The following STX18 variants were observed in gnomAD, a reference collection of about 807,000 sequenced individuals.
The protein encoded by STX18 is syntaxin 18.
STX18 carries 40 observed loss-of-function variants against 50.1 expected under a neutral mutation model. That is an observed-to-expected ratio of 0.80 (90% CI 0.62 to 1.04). The LOEUF (loss-of-function observed/expected upper bound fraction) is 1.04. Among genes scored for constraint, STX18 ranks in the 50% least tolerant of loss-of-function variants. The pLI is 0.00. For synonymous variants in STX18, 158 were observed against 151.8 expected, an observed-to-expected ratio of 1.04 and a Z score of -0.30; for missense variants, 410 against 415.8, an observed-to-expected ratio of 0.99 and a Z score of 0.12.
At chr4:4,540,840 T>C (rs1190565018) in intron 1 of STX18, among the ~76,000 whole-genome samples, 2 of 152,226 alleles carry the variant, frequency 1.3e-5, no homozygotes. Flanking sequence ...GTCTATACAG[T>C]GCCAAGTGTA....
intron 7 of STX18, among the ~76,000 whole-genome samples, chr4:4,427,152 T>C (rs1400017316): frequency 1.3e-5 from 2 of 152,126 alleles, no homozygotes; most frequent in Non-Finnish European, 2.9e-5. Context: ...GCCTCACACA[T>C]GACAGAACAC....
intron 2 of STX18, among the ~76,000 whole-genome samples, chr4:4,465,752 G>A (rs1422996094): frequency 4.6e-5 from 7 of 152,164 alleles, no homozygotes; most frequent in African/African-American, 1.2e-4. Context: ...TCCTACACAT[G>A]TACCCAGGAA....
chr4:4,479,486 G>C (rs1471169530), intron 1 of STX18, among the ~76,000 whole-genome samples: 1 of 152,116 alleles, frequency 6.6e-6, no homozygotes, highest in East Asian at 1.9e-4. Context: ...ACTGTCTATA[G>C]CTATGGGCCA....
At chr4:4,483,773 C>T (rs1728567390) in intron 1 of STX18, among the ~76,000 whole-genome samples, 1 of 152,242 alleles carries the variant, frequency 6.6e-6, no homozygotes, top group Non-Finnish European at 1.5e-5. Context: ...AAAGTTCTTT[C>T]TTACTCTGAA....
intron 1 of STX18, among the ~76,000 whole-genome samples, chr4:4,538,465 C>T (rs141893508): frequency 3.9e-5 from 6 of 151,912 alleles, no homozygotes; most frequent in Non-Finnish European, 7.4e-5. Flanking sequence ...TCCTCACGCA[C>T]TTAACTAAAT....
chr4:4,435,066 CAT>C (rs1226119980), intron 6 of STX18, among the ~76,000 whole-genome samples: 1 of 152,106 alleles, frequency 6.6e-6, no homozygotes, highest in Non-Finnish European at 1.5e-5. Flanking sequence ...CAGGCACGTG[CAT>C]GTGTGTGTGT....
intron 1 of STX18, among the ~76,000 whole-genome samples, chr4:4,508,278 C>A (rs1258832550): frequency 6.6e-6 from 1 of 152,070 alleles, no homozygotes; most frequent in East Asian, 1.9e-4. Flanking sequence ...ACCACATATC[C>A]CCCGTTTTTG....
At chr4:4,450,610 T>A (rs1304994808) in intron 5 of STX18, among the ~76,000 whole-genome samples, 1 of 152,206 alleles carries the variant, frequency 6.6e-6, no homozygotes, top group African/African-American at 2.4e-5. Context: ...AGCCTCCTTC[T>A]GTATTTATTA....
intron 1 of STX18, among the ~76,000 whole-genome samples, chr4:4,528,344 G>A (rs560051086): frequency 2.4e-4 from 36 of 152,250 alleles, no homozygotes; most frequent in African/African-American, 7.9e-4. Context: ...GAATGGCTTA[G>A]CGCTGTCCCC....
At chr4:4,450,296 T>C (rs1726678149) in intron 5 of STX18, among the ~76,000 whole-genome samples, 1 of 152,174 alleles carries the variant, frequency 6.6e-6, no homozygotes, top group South Asian at 2.1e-4. Context: ...TCACTTCTCC[T>C]ATAGTGAGAA....
At chr4:4,507,267 C>T in intron 1 of STX18, 1 of 700,980 alleles carries the variant, frequency 1.4e-6, no homozygotes, top group Non-Finnish European at 2.7e-6. Flanking sequence ...AAGAGTCCGG[C>T]ATCTCCCAGG....
At chr4:4,447,777 T>C (rs1038599528) in intron 5 of STX18, among the ~76,000 whole-genome samples, 1 of 152,182 alleles carries the variant, frequency 6.6e-6, no homozygotes, top group Non-Finnish European at 1.5e-5. Flanking sequence ...CTATTATTAC[T>C]GTGAAATAAC....
At chr4:4,485,811 C>T (rs757151406) in intron 1 of STX18, among the ~76,000 whole-genome samples, 15 of 152,180 alleles carry the variant, frequency 9.9e-5, no homozygotes, top group Non-Finnish European at 1.8e-4. Flanking sequence ...GTCCCCTATG[C>T]GCTCTCCTCC....
At chr4:4,499,617 T>A (rs956478929) in intron 1 of STX18, 1 of 774,332 alleles carries the variant, frequency 1.3e-6, no homozygotes, top group African/African-American at 1.9e-5. Flanking sequence ...CATTATTCAA[T>A]AGCTAATCCA....
At chr4:4,467,384 G>A (rs534224392) in intron 2 of STX18, among the ~76,000 whole-genome samples, 97 of 152,320 alleles carry the variant, frequency 6.4e-4, no homozygotes, top group Non-Finnish European at 1.0e-3. Context: ...TTAAAGGCAA[G>A]ATGGAGTTGA....
chr4:4,501,558 G>A (rs745640744), intron 1 of STX18, among the ~76,000 whole-genome samples: 7 of 152,170 alleles, frequency 4.6e-5, no homozygotes, highest in African/African-American at 9.7e-5. Context: ...CACACTACAT[G>A]ACCTCTCAGA....
At chr4:4,429,309 A>C (rs538357769) in intron 7 of STX18, among the ~76,000 whole-genome samples, 2 of 152,336 alleles carry the variant, frequency 1.3e-5, no homozygotes, top group South Asian at 2.1e-4. Flanking sequence ...TTTCCAATCA[A>C]GCCCTGCTAA....
chr4:4,420,980 T>A lies in STX18; in HGVS notation c.832-36A>T. Reference sequence around the variant, plus strand: ...AAAGATAAATACAAGTTGAGTATCCTTTATCCAAAAACCTGAAACCCAAAA... The same window carrying A: ...AAAGATAAATACAAGTTGAGTATCCATTATCCAAAAACCTGAAACCCAAAA... On this transcript the variant is annotated intron_variant, in intron 9 of 10. Coordinates refer to ENST00000306200, the MANE Select transcript of STX18 (RefSeq NM_016930.4). This position sits in a 1 kb window ranked among gnomAD's most constrained non-coding sequence, Gnocchi z 4.3. 1 of 1,604,992 alleles carries A rather than the reference T, an allele frequency of 6.2e-7. No homozygotes were observed. The highest frequency in any genetic ancestry group is 8.5e-7 in the Non-Finnish European group (1 of 1,172,484).
intron 2 of STX18, among the ~76,000 whole-genome samples, chr4:4,465,455 G>C (rs1282008692): frequency 6.6e-6 from 1 of 152,208 alleles, no homozygotes; most frequent in East Asian, 1.9e-4. Context: ...GTCCTTTGCA[G>C]GGACATGGAT....
Sources: allele counts gnomAD v4.1 joint callset (sites outside exome capture counted in the v4.1 genomes callset), GRCh38; gene constraint gnomAD v4.1.1; non-coding constraint Gnocchi (gnomAD v3.1); transcripts MANE v1.5; gene names NCBI Gene and HGNC (gene_info 2026-07-23, HGNC 2026-07-21).